Variants in RAP1GAP observed in about 807,000 individuals in gnomAD.
The protein encoded by RAP1GAP is RAP1 GTPase activating protein.
RAP1GAP carries 35 observed loss-of-function variants against 87.2 expected under a neutral mutation model. The observed-to-expected ratio is 0.40, with a 90% CI of 0.31 to 0.53. RAP1GAP has a LOEUF of 0.53. Among genes scored for constraint, RAP1GAP ranks in the 20% least tolerant of loss-of-function variants. The pLI is 0.48. For missense variants in RAP1GAP, 734 were observed against 898.9 expected, an observed-to-expected ratio of 0.82 and a Z score of 2.35; for synonymous variants, 375 against 363.9, an observed-to-expected ratio of 1.03 and a Z score of -0.35.
Position 21,622,301 on chromosome 1 carries a change from G to GGGGTCCCTC in RAP1GAP, c.-18-2260_-18-2252dup, listed in dbSNP as rs1162090671. Reference sequence around the variant, plus strand: ...CCAGCAGTCGGGGTGACCCAGCCCCGGGGTCCCTCCGCCATGCCGCCCCGC... The same window carrying GGGGTCCCTC: ...CCAGCAGTCGGGGTGACCCAGCCCCGGGGTCCCTCGGGTCCCTCCGCCATGCCGCCCCGC... On this transcript the variant is annotated intron_variant, in intron 3 of 24. Coordinates refer to ENST00000374765, the MANE Select transcript of RAP1GAP (RefSeq NM_002885.4). This position sits in a 1 kb window ranked among gnomAD's most constrained non-coding sequence, Gnocchi z 5.7. 2 of 499,714 alleles carry GGGGTCCCTC rather than the reference G, an allele frequency of 4.0e-6. No individual in the cohort carries two copies. The highest frequency in any genetic ancestry group is 7.1e-6 in the Non-Finnish European group (2 of 280,694). The allele number at this position is 499,714 out of a possible 1,614,324, so 31.0% of individuals were successfully genotyped here. A position where few individuals can be genotyped will look rare whatever the true frequency, so the allele number is the denominator to read the frequency against.
chr1:21,615,680 G>T lies in RAP1GAP; in HGVS notation c.292-1591C>A, dbSNP rs1256284. ...GTGCTGGGATTACAGGTATAAGCCA[G>T]GGCGCCCAGCTGCCTCTTCTGACCC... On this transcript the variant is annotated intron_variant, in intron 7 of 24. Coordinates refer to ENST00000374765, the MANE Select transcript of RAP1GAP (RefSeq NM_002885.4). This position sits in a 1 kb window ranked among gnomAD's most constrained non-coding sequence, Gnocchi z 4.5. Among the ~76,000 whole-genome samples, 1 of 152,106 alleles carries T rather than the reference G, an allele frequency of 6.6e-6. No individual in the cohort carries two copies. The highest frequency in any genetic ancestry group is 1.5e-5 in the Non-Finnish European group (1 of 68,034).
In RAP1GAP at chr1:21,598,006, C is replaced by T. The variant is rs141617440; in HGVS notation, c.1938G>A (p.Glu646=). 7.1e-5 allele frequency: 112 copies of T among 1,583,334 alleles called. No individual in the cohort carries two copies. The African/African-American group carries it at 1.4e-3, about 20-fold the overall frequency. ...CAGATGCTTCCAGCTGGATCTTGAT[C>T]TCGGGACACGCAGGGTCCCCCAACT... ...AGKLGDPACP[E]IKIQLEASEQ... Residue 646 remains glutamate, a synonymous_variant, in exon 23 of 25, where the codon GAG becomes GAA. Transcript: ENST00000374765.
At chr1:21,608,811 T>C (rs757645604) in intron 16 of RAP1GAP, 39 bp downstream of exon 16, 6 of 1,569,194 alleles carry the variant, frequency 3.8e-6, no homozygotes, top group African/African-American at 2.7e-5. Context: ...GGTTGGAAGG[T>C]GAGAAGAGGG....
Position 21,611,769 on chromosome 1 carries a change from G to A in RAP1GAP, c.660C>T (p.Phe220=), listed in dbSNP as rs963231880. 17 of 1,614,082 alleles carry A rather than the reference G, an allele frequency of 1.1e-5. No homozygotes were observed. The highest frequency in any genetic ancestry group is 1.4e-5 in the Non-Finnish European group (17 of 1,179,906). Residue 220 remains phenylalanine (F), a synonymous_variant, in exon 12 of 25, where the codon TTC becomes TTT. Transcript: ENST00000374765. ...GGCCAAGAAATTCAAGGAACTCCAC[G>A]AAAGCGGGACTTTCCTCATTGGTGC... ...LFSTNEESPA[F]VEFLEFLGQK... is the part of the protein sequence containing the mutation.
At chr1:21,621,093 G>A (rs760530549) in intron 3 of RAP1GAP, among the ~76,000 whole-genome samples, 1 of 152,144 alleles carries the variant, frequency 6.6e-6, no homozygotes, top group Non-Finnish European at 1.5e-5. Flanking sequence ...AACACATGCA[G>A]GTCCAAGTAC....
chr1:21,608,147 C>G (rs2076003390), intron 17 of RAP1GAP, 66 bp downstream of exon 17: 1 of 1,583,068 alleles, frequency 6.3e-7, no homozygotes, highest in Admixed American at 1.7e-5. Flanking sequence ...GTCTATCAGC[C>G]TCAGCCCGGG....
chr1:21,600,443 C>T (rs1396026328), intron 20 of RAP1GAP, among the ~76,000 whole-genome samples: 2 of 152,204 alleles, frequency 1.3e-5, no homozygotes, highest in African/African-American at 4.8e-5. Context: ...CCAACGGACA[C>T]CAAATGCAGG....
intron 1 of RAP1GAP, among the ~76,000 whole-genome samples, chr1:21,657,388 C>G (rs2096908650): frequency 6.6e-6 from 1 of 152,218 alleles, no homozygotes; most frequent in Admixed American, 6.5e-5. Flanking sequence ...TTACTCAAAT[C>G]ACATTATTTA....
chr1:21,616,250 G>C (rs2082105399), intron 7 of RAP1GAP, among the ~76,000 whole-genome samples: 2 of 151,606 alleles, frequency 1.3e-5, no homozygotes. Flanking sequence ...AGCCAAAGCT[G>C]GTTCAATTCC....
chr1:21,632,308 C>G (rs1187991204), intron 2 of RAP1GAP, among the ~76,000 whole-genome samples: 1 of 152,224 alleles, frequency 6.6e-6, no homozygotes, highest in Non-Finnish European at 1.5e-5. Context: ...CCTCCTCCCC[C>G]TCCCTTATCT....
intron 2 of RAP1GAP, among the ~76,000 whole-genome samples, chr1:21,630,991 C>A (rs1447051376): frequency 1.3e-5 from 2 of 151,958 alleles, no homozygotes; most frequent in Non-Finnish European, 2.9e-5. Context: ...TTTCCCAGCA[C>A]CCCTCCAATC....
chr1:21,652,555 G>A (rs914604632), intron 1 of RAP1GAP, among the ~76,000 whole-genome samples: 1 of 151,954 alleles, frequency 6.6e-6, no homozygotes, highest in Admixed American at 6.6e-5. Flanking sequence ...CCCTGGTGAG[G>A]AGGAAGAGCA....
chr1:21,619,377 C>T (rs1037166690), intron 4 of RAP1GAP, among the ~76,000 whole-genome samples: 1 of 150,156 alleles, frequency 6.7e-6, no homozygotes, highest in Non-Finnish European at 1.5e-5. Context: ...GGTGGGGGGA[C>T]TGTTATCTAC....
At chr1:21,649,818 C>G in intron 1 of RAP1GAP, 22 bp from the exon 2 acceptor site, 1 of 1,551,366 alleles carries the variant, frequency 6.4e-7, no homozygotes, top group Non-Finnish European at 8.7e-7. Context: ...CAAGAGGGGC[C>G]ATAGGTGAGG....
intron 2 of RAP1GAP, among the ~76,000 whole-genome samples, chr1:21,633,744 T>TC (rs750307338): frequency 1.5e-4 from 23 of 152,054 alleles, no homozygotes; most frequent in Admixed American, 4.6e-4. Flanking sequence ...CCTGAGGGGT[T>TC]CCGGCCAGTC....
intron 2 of RAP1GAP, among the ~76,000 whole-genome samples, chr1:21,640,013 A>C (rs1181610956): frequency 6.6e-6 from 1 of 152,108 alleles, no homozygotes; most frequent in Non-Finnish European, 1.5e-5. Flanking sequence ...CGCCCGCCTC[A>C]CGTGGCCCAC....
At chr1:21,629,183 G>A (rs1450972301) in intron 2 of RAP1GAP, among the ~76,000 whole-genome samples, 3 of 152,234 alleles carry the variant, frequency 2.0e-5, no homozygotes, top group Non-Finnish European at 4.4e-5. Flanking sequence ...GTGGGGTGGA[G>A]GGCAGAGGCT....
At chr1:21,660,601 C>T (rs4654976) in intron 1 of RAP1GAP, among the ~76,000 whole-genome samples, 32,261 of 151,622 alleles carry the variant, frequency 0.21, 3,498 homozygotes, top group Admixed American at 0.24. Flanking sequence ...CCCAAAGTGC[C>T]AGGATTACAG....
chr1:21,611,983 T>C lies in RAP1GAP; in HGVS notation c.612+43A>G, dbSNP rs779590105. ...TGGAAAAGGTGTGAGGCTCCAGATA[T>C]GGGGCCAGGTGGGGAGGGGCGGCAG... On this transcript the variant is annotated intron_variant, in intron 11 of 24. Transcript: ENST00000374765. 19 of 1,497,604 alleles carry C rather than the reference T, an allele frequency of 1.3e-5. No individual in the cohort carries two copies. The South Asian group carries it at 2.0e-4, about 16-fold the overall frequency. 92.8% of individuals were successfully genotyped at this position (1,497,604 alleles called of 1,614,324 possible).
Sources: allele counts gnomAD v4.1 joint callset (sites outside exome capture counted in the v4.1 genomes callset), GRCh38; gene constraint gnomAD v4.1.1; non-coding constraint Gnocchi (gnomAD v3.1); transcripts MANE v1.5; gene names NCBI Gene and HGNC (gene_info 2026-07-23, HGNC 2026-07-21).